Variants in CABCOCO1 observed in about 807,000 individuals in gnomAD.
The protein encoded by CABCOCO1 is ciliary-associated calcium-binding coiled-coil protein 1.
A neutral mutation model predicts 35.7 loss-of-function variants in CABCOCO1; 28 were observed. The observed-to-expected ratio is 0.78, with a 90% CI of 0.58 to 1.07. CABCOCO1 has a LOEUF of 1.07. Among genes scored for constraint, CABCOCO1 ranks in the 50% least tolerant of loss-of-function variants. CABCOCO1 has a pLI of 0.00. For missense variants in CABCOCO1, 326 were observed against 309.2 expected (o/e 1.05, Z -0.41); for synonymous variants, 95 against 100.1 (o/e 0.95, Z 0.30).
rs1223788599 is a variant in CABCOCO1 at position 61,765,888 on chromosome 10, C to T, written c.817-51C>T. On this transcript the variant is annotated intron_variant, in intron 7 of 7. Coordinates refer to ENST00000648843, the MANE Select transcript of CABCOCO1 (RefSeq NM_001366906.2). Reference sequence around the variant, plus strand: ...ATGTCAAAACCACAAAGACAATGTGCAGCAAAAGATAGCTCCATCATAACC... The same window carrying T: ...ATGTCAAAACCACAAAGACAATGTGTAGCAAAAGATAGCTCCATCATAACC... 2.7e-6 allele frequency: 4 copies of T among 1,508,788 alleles called. No individual in the cohort carries two copies. The African/African-American group carries it at 4.1e-5, about 16-fold the overall frequency. 93.5% of individuals were successfully genotyped at this position (1,508,788 alleles called of 1,614,324 possible). A position where few individuals can be genotyped will look rare whatever the true frequency, so the allele number is the denominator to read the frequency against.
chr10:61,705,846 C>A (rs1004267427), intron 5 of CABCOCO1, among the ~76,000 whole-genome samples: 3 of 152,162 alleles, frequency 2.0e-5, no homozygotes, highest in African/African-American at 4.8e-5. Flanking sequence ...CCTCTTCAAC[C>A]ATACTTTTAA....
intron 1 of CABCOCO1, among the ~76,000 whole-genome samples, chr10:61,671,700 C>G (rs984442385): frequency 6.6e-6 from 1 of 152,130 alleles, no homozygotes; most frequent in South Asian, 2.1e-4. Flanking sequence ...CATCCCTGCA[C>G]TGTTTAAATG....
At chr10:61,750,883 T>C (rs1428649466) in intron 5 of CABCOCO1, among the ~76,000 whole-genome samples, 1 of 152,216 alleles carries the variant, frequency 6.6e-6, no homozygotes, top group Non-Finnish European at 1.5e-5. Context: ...AGGCCTGAGC[T>C]AGGGGTCCTT....
intron 3 of CABCOCO1, among the ~76,000 whole-genome samples, chr10:61,682,436 G>A (rs1449086586): frequency 6.6e-6 from 1 of 152,114 alleles, no homozygotes; most frequent in Admixed American, 6.5e-5. Flanking sequence ...AACCAAATGT[G>A]CCAAGGAAAA....
At chr10:61,701,559 G>C (rs1242854632) in intron 5 of CABCOCO1, 3 of 849,078 alleles carry the variant, frequency 3.5e-6, no homozygotes, top group Non-Finnish European at 4.2e-6. Flanking sequence ...CTGGCCAATA[G>C]ATGGCAGGAC....
At chr10:61,748,619 C>T (rs879423457) in intron 5 of CABCOCO1, among the ~76,000 whole-genome samples, 1 of 152,150 alleles carries the variant, frequency 6.6e-6, no homozygotes, top group Non-Finnish European at 1.5e-5. Context: ...TGCAGTTATG[C>T]CTTTGACTAG....
intron 3 of CABCOCO1, among the ~76,000 whole-genome samples, chr10:61,682,977 G>C (rs990578894): frequency 1.4e-5 from 2 of 147,308 alleles, no homozygotes; most frequent in Non-Finnish European, 3.0e-5. Flanking sequence ...TGCAACCTCC[G>C]CCTCCTGGAT....
chr10:61,717,155 G>A (rs545032536), intron 5 of CABCOCO1, among the ~76,000 whole-genome samples: 2 of 151,964 alleles, frequency 1.3e-5, no homozygotes, highest in East Asian at 1.9e-4. Flanking sequence ...AACAAAAGAG[G>A]CAAAAAAAAA....
At chr10:61,705,019 C>G (rs981343602) in intron 5 of CABCOCO1, among the ~76,000 whole-genome samples, 1 of 152,084 alleles carries the variant, frequency 6.6e-6, no homozygotes, top group Non-Finnish European at 1.5e-5. Context: ...TATAAGCAAA[C>G]TTCAAATTCT....
intron 2 of CABCOCO1, among the ~76,000 whole-genome samples, chr10:61,680,617 C>CATATATAATATATATTATGTTATACATGT (rs1839721124): frequency 1.3e-4 from 3 of 23,718 alleles, no homozygotes; most frequent in Non-Finnish European, 2.6e-4. Context: ...ACATGTTATA[C>CATATATAATATATATTATGTTATACATGT]ATAACATATA....
intron 5 of CABCOCO1, among the ~76,000 whole-genome samples, chr10:61,759,034 T>C (rs570349115): frequency 7.5e-4 from 114 of 152,154 alleles, no homozygotes; most frequent in Non-Finnish European, 1.3e-3. Context: ...CACAGGATGA[T>C]AATTATTTCG....
intron 5 of CABCOCO1, among the ~76,000 whole-genome samples, chr10:61,702,761 G>T (rs929950486): frequency 1.2e-4 from 19 of 152,102 alleles, no homozygotes; most frequent in African/African-American, 4.6e-4. Flanking sequence ...TATGCACTGT[G>T]CATGAAAGCA....
intron 3 of CABCOCO1, 96 bp from the exon 4 acceptor site, chr10:61,685,945 A>G (rs1252260290): frequency 9.5e-7 from 1 of 1,054,026 alleles, no homozygotes; most frequent in African/African-American, 1.7e-5. Flanking sequence ...AATACTTAAC[A>G]AAGTAAATTT....
chr10:61,746,604 C>T (rs1011262578), intron 5 of CABCOCO1, among the ~76,000 whole-genome samples: 3 of 152,112 alleles, frequency 2.0e-5, no homozygotes, highest in Non-Finnish European at 4.4e-5. Flanking sequence ...ACTCTTCACA[C>T]GACAATCAGT....
chr10:61,672,994 G>A (rs547038828), intron 2 of CABCOCO1, among the ~76,000 whole-genome samples: 6 of 152,234 alleles, frequency 3.9e-5, no homozygotes, highest in African/African-American at 9.6e-5. Context: ...GATAAAAGCA[G>A]GCTATAGCAT....
intron 2 of CABCOCO1, among the ~76,000 whole-genome samples, chr10:61,674,186 G>T (rs114835142): frequency 0.013 from 2,024 of 152,214 alleles, 22 homozygotes; most frequent in Non-Finnish European, 0.021. Context: ...ATCATACTTT[G>T]TGTGATGATT....
At chr10:61,759,824 T>C (rs1347913903) in intron 5 of CABCOCO1, among the ~76,000 whole-genome samples, 1 of 152,014 alleles carries the variant, frequency 6.6e-6, no homozygotes, top group Non-Finnish European at 1.5e-5. Flanking sequence ...CATGAAATCC[T>C]AAACCACAGA....
At chr10:61,696,472 T>G (rs1281842859) in intron 5 of CABCOCO1, among the ~76,000 whole-genome samples, 1 of 152,066 alleles carries the variant, frequency 6.6e-6, no homozygotes, top group Admixed American at 6.6e-5. Context: ...AGAAAACATT[T>G]GCAAATTAAC....
chr10:61,760,133 T>A lies in CABCOCO1; in HGVS notation c.627T>A (p.Ile209=), dbSNP rs1179127900. Residue 209 remains isoleucine (I), a synonymous_variant, in exon 6 of 8, where the codon ATT becomes ATA. Coordinates refer to ENST00000648843, the MANE Select transcript of CABCOCO1 (RefSeq NM_001366906.2). Reference sequence around the variant, plus strand: ...TGGAAGAAGGAATCTCATTTGATATTTATTCAACATTCATAGAGCCCCCCA... The same window carrying A: ...TGGAAGAAGGAATCTCATTTGATATATATTCAACATTCATAGAGCCCCCCA... ...NPLEEGISFD[I]YSTFIEPPTI... 3 of 1,612,168 alleles carry A rather than the reference T, an allele frequency of 1.9e-6. No individual in the cohort carries two copies. The highest frequency in any genetic ancestry group is 2.5e-6 in the Non-Finnish European group (3 of 1,178,566).
Sources: gnomAD v4.1 joint callset for allele counts (sites outside exome capture counted in the v4.1 genomes callset) on GRCh38, gnomAD v4.1.1 for gene constraint, MANE v1.5 for transcripts, NCBI Gene and HGNC (gene_info 2026-07-23, HGNC 2026-07-21) for gene names.